The following NFATC2 variants were observed in gnomAD, a reference collection of about 807,000 sequenced individuals.
NFATC2 encodes the protein nuclear factor of activated T cells 2, also known as nuclear factor of activated T-cells, cytoplasmic 2.
A neutral mutation model predicts 87.3 loss-of-function variants in NFATC2; 22 were observed. The observed-to-expected ratio is 0.25, with a 90% CI of 0.18 to 0.36. NFATC2 has a LOEUF of 0.36. Among genes scored for constraint, NFATC2 ranks in the 10% least tolerant of loss-of-function variants. The pLI, the probability that NFATC2 is intolerant of heterozygous loss-of-function variation, is 1.00. For missense variants in NFATC2, 1,149 were observed against 1,259.1 expected (o/e 0.91, Z 1.32); for synonymous variants, 565 against 542.2 (o/e 1.04, Z -0.58).
Position 51,471,010 on chromosome 20 carries a change from C to T in NFATC2, c.1708+2970G>A, listed in dbSNP as rs1045349902. ...CTACCAAGTAAAAACAGGTGAATCA[C>T]CTTACCAAGAAGTCTCAGTTTCCTT... On this transcript the variant is annotated intron_variant, in intron 5 of 10. Coordinates refer to ENST00000371564, the MANE Select transcript of NFATC2 (RefSeq NM_012340.5). Among the ~76,000 whole-genome samples the T allele has an allele frequency of 2.5e-4, 38 of 152,178 alleles. 1 individual carries two copies. Among genetic ancestry groups the T allele is most frequent in the Non-Finnish European group, 2.1e-4 (14 of 68,020 alleles).
At chr20:51,486,355 C>T (rs1436537525) in intron 3 of NFATC2, among the ~76,000 whole-genome samples, 3 of 152,204 alleles carry the variant, frequency 2.0e-5, no homozygotes, top group African/African-American at 4.8e-5. Context: ...GAACAAGCCA[C>T]GTTTCTGCCA....
chr20:51,438,833 T>C (rs1158651408), intron 6 of NFATC2, among the ~76,000 whole-genome samples: 2 of 152,220 alleles, frequency 1.3e-5, no homozygotes, highest in Admixed American at 6.5e-5. Context: ...ACAAGGCAAC[T>C]GAGGCCCAGA....
chr20:51,561,489 AAGCAAGC>A (rs1568765943), intron 1 of NFATC2, among the ~76,000 whole-genome samples: 4,588 of 85,730 alleles, frequency 0.054, 70 homozygotes, highest in Non-Finnish European at 0.06. Flanking sequence ...GAAAGAAAGC[AAGCAAGC>A]AAGCAAGCAA....
At chr20:51,489,422 C>A (rs2075844458) in intron 3 of NFATC2, among the ~76,000 whole-genome samples, 1 of 152,158 alleles carries the variant, frequency 6.6e-6, no homozygotes, top group Non-Finnish European at 1.5e-5. Context: ...CTTTGGACTA[C>A]CCATCTCTAG....
chr20:51,414,765 AG>A (rs1979799199), intron 9 of NFATC2, among the ~76,000 whole-genome samples: 1 of 151,896 alleles, frequency 6.6e-6, no homozygotes, highest in Non-Finnish European at 1.5e-5. Context: ...TTTGGAGGCA[AG>A]AAAGCCTCCG....
At position 51,391,057 on chromosome 20, in the gene NFATC2, C is replaced by A; in HGVS notation, c.*439G>T. ...CCACATCTTCTGTCCCCCGTCCATC[C>A]CCCCAAGCTCCAGTCACTCTGTTCT... On this transcript the variant is annotated 3_prime_UTR_variant, in exon 11 of 11. Transcript: ENST00000371564. 2.3e-6 allele frequency: 1 copy of A among 438,006 alleles called. No homozygotes were observed. Among genetic ancestry groups the A allele is most frequent in the South Asian group, 2.1e-5 (1 of 48,600 alleles). The allele number at this position is 438,006 out of a possible 1,614,324, so 27.1% of individuals were successfully genotyped here.
rs76639686 is a variant in NFATC2 at position 51,468,486 on chromosome 20, C to T, written c.1708+5494G>A. Among the ~76,000 whole-genome samples, 57 of 152,190 alleles carry T rather than the reference C, an allele frequency of 3.7e-4. 1 individual carries two copies. The highest frequency in any genetic ancestry group is 8.8e-5 in the Non-Finnish European group (6 of 68,034). On this transcript the variant is annotated intron_variant, in intron 5 of 10. Coordinates refer to ENST00000371564, the MANE Select transcript of NFATC2 (RefSeq NM_012340.5). ...CAGGGCTTTGTGTGAAATTGCTTTACGTGTTTTCTGAAATACACGGAGCAG... is the reference window on the plus strand; with the variant it reads ...CAGGGCTTTGTGTGAAATTGCTTTATGTGTTTTCTGAAATACACGGAGCAG...
Position 51,456,616 on chromosome 20 carries a change from G to A in NFATC2, c.1709-1928C>T, listed in dbSNP as rs1189970835. On this transcript the variant is annotated intron_variant, in intron 5 of 10. Transcript: ENST00000371564. ...TCAGGCCTCTCTCCTTCCAGCGTGG[G>A]CCAAGAGGCCAGGCCCGCCCCCTGG... Among the ~76,000 whole-genome samples, 3 of 152,212 alleles carry A rather than the reference G, an allele frequency of 2.0e-5. No individual in the cohort carries two copies. In the East Asian group the frequency reaches 5.8e-4, roughly 29 times the overall value.
chr20:51,485,709 C>T (rs1989652260), intron 3 of NFATC2, among the ~76,000 whole-genome samples: 1 of 152,150 alleles, frequency 6.6e-6, no homozygotes, highest in Non-Finnish European at 1.5e-5. Flanking sequence ...TTTACATCTC[C>T]AGGCCTCAGT....
At chr20:51,496,133 C>T (rs2075984530) in intron 3 of NFATC2, among the ~76,000 whole-genome samples, 1 of 152,040 alleles carries the variant, frequency 6.6e-6, no homozygotes, top group African/African-American at 2.4e-5. Context: ...GTGCTGAGAC[C>T]CCATGCGGGA....
intron 9 of NFATC2, among the ~76,000 whole-genome samples, chr20:51,422,435 GC>G (rs2146305342): frequency 6.6e-6 from 1 of 152,212 alleles, no homozygotes; most frequent in African/African-American, 2.4e-5. Context: ...GGCAAAACAG[GC>G]CCCAGCCCTG....
chr20:51,455,129 A>G (rs1286384268), intron 5 of NFATC2, among the ~76,000 whole-genome samples: 1 of 152,232 alleles, frequency 6.6e-6, no homozygotes, highest in African/African-American at 2.4e-5. Context: ...GGCATCATGT[A>G]TGCTAAGCTT....
intron 9 of NFATC2, among the ~76,000 whole-genome samples, chr20:51,427,949 G>T (rs930493138): frequency 1.3e-5 from 2 of 152,194 alleles, no homozygotes; most frequent in African/African-American, 4.8e-5. Flanking sequence ...CACCGTGAGA[G>T]CAAAGATTTC....
At chr20:51,398,449 C>G (rs985125570) in intron 10 of NFATC2, among the ~76,000 whole-genome samples, 194 bp downstream of exon 10, 1 of 152,202 alleles carries the variant, frequency 6.6e-6, no homozygotes, top group Non-Finnish European at 1.5e-5. Context: ...CCCGCCCAAC[C>G]CTGAGATTCT....
intron 9 of NFATC2, among the ~76,000 whole-genome samples, chr20:51,407,464 C>T (rs1300967315): frequency 6.6e-6 from 1 of 152,196 alleles, no homozygotes; most frequent in Admixed American, 6.5e-5. Context: ...ATAAATGAAC[C>T]GACTATGGCT....
intron 9 of NFATC2, among the ~76,000 whole-genome samples, chr20:51,405,543 C>T (rs908388235): frequency 1.3e-5 from 2 of 152,216 alleles, no homozygotes; most frequent in African/African-American, 4.8e-5. Flanking sequence ...CTGTGCATGG[C>T]TCCTGTGGCC....
At chr20:51,559,359 CAT>C (rs1482574411) in intron 1 of NFATC2, among the ~76,000 whole-genome samples, 1 of 152,244 alleles carries the variant, frequency 6.6e-6, no homozygotes, top group Non-Finnish European at 1.5e-5. Flanking sequence ...TCCCTTCCAG[CAT>C]ATGTCAGGGA....
chr20:51,530,100 C>G (rs1193706182), intron 1 of NFATC2, among the ~76,000 whole-genome samples: 4 of 152,218 alleles, frequency 2.6e-5, no homozygotes, highest in African/African-American at 9.6e-5. Context: ...AAGGGAGGAG[C>G]CAGTGTTAGA....
At chr20:51,485,449 A>G (rs1440466950) in intron 3 of NFATC2, among the ~76,000 whole-genome samples, 1 of 152,142 alleles carries the variant, frequency 6.6e-6, no homozygotes, top group African/African-American at 2.4e-5. Flanking sequence ...CCACCATCAT[A>G]TAGGAGCTGG....
Sources: allele counts gnomAD v4.1 joint callset (sites outside exome capture counted in the v4.1 genomes callset), GRCh38; gene constraint gnomAD v4.1.1; transcripts MANE v1.5; gene names NCBI Gene and HGNC (gene_info 2026-07-23, HGNC 2026-07-21).